The following LCMT1 variants were observed in gnomAD, a reference collection of about 807,000 sequenced individuals.
The protein encoded by LCMT1 is [Phosphatase 2A protein]-leucine-carboxy methyltransferase 1.
In LCMT1, 32 loss-of-function variants were observed where a neutral mutation model predicts 47.7. The observed-to-expected ratio is 0.67, with a 90% CI of 0.51 to 0.90. The LOEUF is 0.90. Among genes scored for constraint, LCMT1 ranks in the 40% least tolerant of loss-of-function variants. The pLI, the probability that LCMT1 is intolerant of heterozygous loss-of-function variation, is 0.00. For missense variants in LCMT1, 375 were observed against 415.2 expected, an observed-to-expected ratio of 0.90 and a Z score of 0.84; for synonymous variants, 152 against 149.7, an observed-to-expected ratio of 1.02 and a Z score of -0.11.
chr16:25,118,503 C>G (rs1261796608), intron 1 of LCMT1, among the ~76,000 whole-genome samples: 1 of 152,122 alleles, frequency 6.6e-6, no homozygotes, highest in Non-Finnish European at 1.5e-5. Flanking sequence ...GGATGCAGCT[C>G]TTATGGAGCA....
At chr16:25,158,439 T>G (rs1961326924) in intron 5 of LCMT1, among the ~76,000 whole-genome samples, 1 of 152,264 alleles carries the variant, frequency 6.6e-6, no homozygotes. Context: ...CCGGCCGGTC[T>G]GTTTCTTTAG....
At chr16:25,160,939 A>G (rs946493663) in intron 5 of LCMT1, among the ~76,000 whole-genome samples, 163 bp from the exon 6 acceptor site, 1 of 151,558 alleles carries the variant, frequency 6.6e-6, no homozygotes, top group Non-Finnish European at 1.5e-5. Flanking sequence ...ACGAATAGTT[A>G]TCTTTGGAAG....
intron 5 of LCMT1, among the ~76,000 whole-genome samples, chr16:25,152,007 T>A (rs1298416349): frequency 3.3e-5 from 5 of 152,138 alleles, no homozygotes; most frequent in African/African-American, 1.2e-4. Context: ...GAGCTTCACA[T>A]CCCATCATAG....
chr16:25,169,952 G>T (rs1961703658), intron 8 of LCMT1, among the ~76,000 whole-genome samples: 1 of 152,090 alleles, frequency 6.6e-6, no homozygotes, highest in South Asian at 2.1e-4. Flanking sequence ...GGGCGCGGTG[G>T]CTCACACCTA....
intron 1 of LCMT1, among the ~76,000 whole-genome samples, chr16:25,120,454 T>G (rs556135283): frequency 6.7e-6 from 1 of 149,778 alleles, no homozygotes; most frequent in Admixed American, 6.7e-5. Context: ...AGACAGAGTC[T>G]CGCTCTGTCA....
intron 1 of LCMT1, among the ~76,000 whole-genome samples, chr16:25,126,380 T>C (rs1254349758): frequency 6.6e-6 from 1 of 152,306 alleles, no homozygotes; most frequent in Non-Finnish European, 1.5e-5. Flanking sequence ...GGCTCAGGTG[T>C]GTTCCCCGAG....
Position 25,131,978 on chromosome 16 carries a change from T to C in LCMT1, c.206-424T>C, listed in dbSNP as rs1279527640. 3 of 220,280 alleles carry C rather than the reference T, an allele frequency of 1.4e-5. No homozygotes were observed. The Admixed American group carries it at 1.6e-4, about 12-fold the overall frequency. 13.6% of individuals were successfully genotyped at this position (220,280 alleles called of 1,614,324 possible). Reference sequence around the variant, plus strand: ...AGGATAACAAATATAGCTTCCTTTGTGTTAACATTCATCTGCTCAGTTTCC... The same window carrying C: ...AGGATAACAAATATAGCTTCCTTTGCGTTAACATTCATCTGCTCAGTTTCC... On this transcript the variant is annotated intron_variant, in intron 2 of 10. Transcript: ENST00000399069.
rs1243947576 is a variant in LCMT1, at chr16:25,164,835, A to G, written c.690+117A>G. On this transcript the variant is annotated intron_variant, in intron 7 of 10. Transcript: ENST00000399069. ...TTTCCTTCTGCCTCCAGCCTCTCACATATCTCCTTTATTCACCAACCAGCA... is the reference window on the plus strand; with the variant it reads ...TTTCCTTCTGCCTCCAGCCTCTCACGTATCTCCTTTATTCACCAACCAGCA... The G allele has an allele frequency of 2.9e-6, 4 of 1,359,522 alleles. No individual in the cohort carries two copies. In the African/African-American group the frequency reaches 4.3e-5, roughly 15 times the overall value. The allele number at this position is 1,359,522 out of a possible 1,614,324, so 84.2% of individuals were successfully genotyped here. A position where few individuals can be genotyped will look rare whatever the true frequency, so the allele number is the denominator to read the frequency against.
chr16:25,170,416 G>T (rs1428130832), intron 8 of LCMT1, among the ~76,000 whole-genome samples: 2 of 152,074 alleles, frequency 1.3e-5, no homozygotes, highest in Non-Finnish European at 2.9e-5. Flanking sequence ...AGGTGTTAGG[G>T]TCTAGGATGG....
At chr16:25,127,210 T>G (rs765959712) in intron 1 of LCMT1, among the ~76,000 whole-genome samples, 1 of 152,248 alleles carries the variant, frequency 6.6e-6, no homozygotes, top group Admixed American at 6.5e-5. Flanking sequence ...TCCTATTTTT[T>G]ATTTTACTTG....
chr16:25,114,737 T>C lies in LCMT1; in HGVS notation c.113+2741T>C, dbSNP rs118120156. On this transcript the variant is annotated intron_variant, in intron 1 of 10. Coordinates refer to ENST00000399069, the MANE Select transcript of LCMT1 (RefSeq NM_016309.3). Reference sequence around the variant, plus strand: ...TGACCTTTCCTCAGGGATATCCTGTTCTTGAAGCCCTCTCCCGTGGCTCCT... The same window carrying C: ...TGACCTTTCCTCAGGGATATCCTGTCCTTGAAGCCCTCTCCCGTGGCTCCT... Among the ~76,000 whole-genome samples the C allele has an allele frequency of 8.1e-3, 1,231 of 152,262 alleles. 44 individuals are homozygous for C. The highest frequency in any genetic ancestry group is 0.056 in the Admixed American group (861 of 15,282).
At chr16:25,169,274 TC>T (rs1442738439) in intron 8 of LCMT1, 61 bp downstream of exon 8, 1 of 1,129,224 alleles carries the variant, frequency 8.9e-7, no homozygotes. Context: ...TATATAAAGG[TC>T]TTTCTTTGCA....
At chr16:25,115,241 G>C (rs558531460) in intron 1 of LCMT1, among the ~76,000 whole-genome samples, 2 of 152,256 alleles carry the variant, frequency 1.3e-5, no homozygotes, top group African/African-American at 4.8e-5. Context: ...GGTTCTCTCT[G>C]TCTTTTAGAT....
intron 4 of LCMT1, among the ~76,000 whole-genome samples, chr16:25,149,225 C>T (rs897694056): frequency 1.3e-5 from 2 of 152,194 alleles, no homozygotes; most frequent in African/African-American, 4.8e-5. Context: ...TTTCTTAAAA[C>T]ATGAGATTCT....
chr16:25,140,652 A>C lies in LCMT1; in HGVS notation c.404+405A>C, dbSNP rs1468098786. The stretch of plus-strand genomic sequence containing the variant: ...TGGGAATTGACATCATGAGTAAGGT[A>C]TGCAGGCTGGGCTGGGCAAAGCACA... On this transcript the variant is annotated intron_variant, in intron 4 of 10. Coordinates refer to ENST00000399069, the MANE Select transcript of LCMT1 (RefSeq NM_016309.3). 2.3e-5 allele frequency: 4 copies of C among 176,510 alleles called. No homozygotes were observed. The South Asian group carries it at 5.8e-4, about 26-fold the overall frequency. 10.9% of individuals were successfully genotyped at this position (176,510 alleles called of 1,614,324 possible). A position where few individuals can be genotyped will look rare whatever the true frequency, so the allele number is the denominator to read the frequency against.
chr16:25,133,164 A>G (rs768136533), intron 3 of LCMT1, among the ~76,000 whole-genome samples: 1 of 151,928 alleles, frequency 6.6e-6, no homozygotes, highest in Non-Finnish European at 1.5e-5. Context: ...CCCAGCCTAT[A>G]TTTGTAATTT....
chr16:25,118,735 A>G (rs955675893), intron 1 of LCMT1, among the ~76,000 whole-genome samples: 5 of 152,090 alleles, frequency 3.3e-5, no homozygotes, highest in African/African-American at 1.2e-4. Flanking sequence ...CAGCAGAGAG[A>G]AGCAGGAGAG....
chr16:25,161,072 TA>T, intron 5 of LCMT1, 29 bp from the exon 6 acceptor site: 1 of 1,376,330 alleles, frequency 7.3e-7, no homozygotes. Flanking sequence ...ACATATTCAT[TA>T]AAATTATAGC....
At chr16:25,177,177 C>G (rs1224380746) in intron 10 of LCMT1, among the ~76,000 whole-genome samples, 1 of 150,432 alleles carries the variant, frequency 6.6e-6, no homozygotes, top group African/African-American at 2.4e-5. Flanking sequence ...GCGACTCTGT[C>G]TCCAGAAAAA....
Sources: gnomAD v4.1 joint callset for allele counts (sites outside exome capture counted in the v4.1 genomes callset) on GRCh38, gnomAD v4.1.1 for gene constraint, MANE v1.5 for transcripts, NCBI Gene and HGNC (gene_info 2026-07-23, HGNC 2026-07-21) for gene names.